RBFOX1: variants seen among roughly 807,000 people sequenced by gnomAD.
RBFOX1 encodes RNA binding protein fox-1 homolog 1.
In RBFOX1, 8 loss-of-function variants were observed where a neutral mutation model predicts 57.7. The observed-to-expected ratio is 0.14, with a 90% CI of 0.08 to 0.25. The LOEUF is 0.25. Among genes scored for constraint, RBFOX1 ranks in the 10% least tolerant of loss-of-function variants. The pLI is 1.00. For synonymous variants in RBFOX1, 326 were observed against 222.4 expected (o/e 1.47, Z -4.15); for missense variants, 611 against 548.5 (o/e 1.11, Z -1.14).
chr16:7,300,385 A>G (rs1432946881), intron 4 of RBFOX1, among the ~76,000 whole-genome samples: 2 of 152,226 alleles, frequency 1.3e-5, no homozygotes, highest in African/African-American at 4.8e-5. Context: ...CTTTTGATAC[A>G]GATAAATAAT....
At chr16:6,040,581 T>G (rs972562872) in intron 1 of RBFOX1, among the ~76,000 whole-genome samples, 7 of 151,578 alleles carry the variant, frequency 4.6e-5, no homozygotes, top group African/African-American at 1.7e-4. Context: ...TCTCTCTCTC[T>G]CTCTTTCTTT....
chr16:7,001,388 G>GTATGTGTATGTA (rs2092778165), intron 3 of RBFOX1, among the ~76,000 whole-genome samples: 1 of 131,140 alleles, frequency 7.6e-6, no homozygotes, highest in African/African-American at 3.9e-5. Flanking sequence ...ATGTGTATGT[G>GTATGTGTATGTA]TATGTGTATT....
intron 4 of RBFOX1, among the ~76,000 whole-genome samples, chr16:7,058,530 C>A (rs1343593328): frequency 6.6e-6 from 1 of 152,172 alleles, no homozygotes; most frequent in Non-Finnish European, 1.5e-5. Flanking sequence ...TCAAATTCCT[C>A]ACCTGTATAG....
intron 1 of RBFOX1, among the ~76,000 whole-genome samples, chr16:5,464,268 C>T (rs146877684): frequency 6.6e-6 from 1 of 152,212 alleles, no homozygotes; most frequent in Admixed American, 6.5e-5. Context: ...TAGAACTGCA[C>T]AGTCAGGGGT....
chr16:7,026,621 A>G (rs1478316938), intron 3 of RBFOX1, among the ~76,000 whole-genome samples: 1 of 152,074 alleles, frequency 6.6e-6, no homozygotes, highest in African/African-American at 2.4e-5. Context: ...GGAAGGAGGA[A>G]AGGCCTTGGG....
intron 3 of RBFOX1, among the ~76,000 whole-genome samples, chr16:6,655,265 T>C (rs1349132622): frequency 6.7e-6 from 1 of 149,078 alleles, no homozygotes; most frequent in African/African-American, 2.5e-5. Context: ...TCCCAGCTAC[T>C]TGGGAGGCTG....
intron 2 of RBFOX1, among the ~76,000 whole-genome samples, chr16:5,571,895 A>G (rs1035241784): frequency 6.6e-6 from 1 of 152,218 alleles, no homozygotes; most frequent in Non-Finnish European, 1.5e-5. Context: ...CCGTAGCACC[A>G]AAGTGCTGGG....
intron 3 of RBFOX1, among the ~76,000 whole-genome samples, chr16:6,818,191 T>C (rs1180523736): frequency 6.6e-6 from 1 of 152,188 alleles, no homozygotes; most frequent in Admixed American, 6.5e-5. Flanking sequence ...GGGATCCTGC[T>C]GTTGGTCCTG....
chr16:7,208,192 G>C (rs775908734), intron 4 of RBFOX1, among the ~76,000 whole-genome samples: 6 of 152,116 alleles, frequency 3.9e-5, no homozygotes, highest in Non-Finnish European at 8.8e-5. Context: ...TGAAACTGTA[G>C]CCAATTATGT....
At chr16:7,047,150 G>T (rs150966682) in intron 3 of RBFOX1, among the ~76,000 whole-genome samples, 441 of 149,858 alleles carry the variant, frequency 2.9e-3, no homozygotes, top group Middle Eastern at 6.9e-3. Flanking sequence ...TCCATTTCCA[G>T]CTCTTCCTTT....
rs1366357657 is a variant in RBFOX1, at chr16:7,008,620, C to T, written c.-15-43437C>T. On this transcript the variant is annotated intron_variant, in intron 3 of 15. Coordinates refer to ENST00000550418, the MANE Select transcript of RBFOX1 (RefSeq NM_018723.4). ...GATAGCTATAAAAATGAAATTCCCT[C>T]CCTCCCTCCCTTCCTCCCTCCCTTC... Among the ~76,000 whole-genome samples, 7 of 114,198 alleles carry T rather than the reference C, an allele frequency of 6.1e-5. 1 individual carries two copies. Among genetic ancestry groups the T allele is most frequent in the Non-Finnish European group, 1.3e-4 (7 of 54,628 alleles). 74.9% of individuals were successfully genotyped at this position (114,198 alleles called of 152,430 possible). A position where few individuals can be genotyped will look rare whatever the true frequency, so the allele number is the denominator to read the frequency against.
Position 5,946,558 on chromosome 16 carries a change from T to G in RBFOX1, c.351+79223T>G, listed in dbSNP as rs2152271513. On this transcript the variant is annotated intron_variant, in intron 4 of 19. Transcript: ENST00000641259. The surrounding 1 kb of genome is among the most constrained non-coding windows in gnomAD (Gnocchi z 4.6). ...CCGTATCTCACTCTATGCATATTTT[T>G]TTCCAACTGGGTGTTCCTGAGTTAT... Among the ~76,000 whole-genome samples, 1 of 152,036 alleles carries G rather than the reference T, an allele frequency of 6.6e-6. No homozygotes were observed. Among genetic ancestry groups the G allele is most frequent in the East Asian group, 1.9e-4 (1 of 5,162 alleles).
chr16:5,482,702 C>T (rs2069587712), intron 2 of RBFOX1, among the ~76,000 whole-genome samples: 1 of 152,168 alleles, frequency 6.6e-6, no homozygotes, highest in African/African-American at 2.4e-5. Context: ...TGTGTGTGAT[C>T]TGTACCTACC....
intron 4 of RBFOX1, among the ~76,000 whole-genome samples, chr16:7,464,118 C>G (rs1466843042): frequency 6.6e-6 from 1 of 152,290 alleles, no homozygotes; most frequent in East Asian, 1.9e-4. Flanking sequence ...TTGCCACTCC[C>G]TTCTGGTGCT....
At chr16:7,532,226 T>G (rs2080275768) in intron 5 of RBFOX1, among the ~76,000 whole-genome samples, 1 of 151,534 alleles carries the variant, frequency 6.6e-6, no homozygotes, top group South Asian at 2.1e-4. Flanking sequence ...CTAATTGGCT[T>G]GCAAGTGGGA....
At chr16:5,866,823 C>G (rs574165585) in intron 3 of RBFOX1, among the ~76,000 whole-genome samples, 2 of 152,276 alleles carry the variant, frequency 1.3e-5, no homozygotes, top group South Asian at 2.1e-4. Flanking sequence ...TGGCACAACT[C>G]TATTTCACAA....
At chr16:7,065,897 G>T (rs962544005) in intron 4 of RBFOX1, among the ~76,000 whole-genome samples, 2 of 151,970 alleles carry the variant, frequency 1.3e-5, no homozygotes, top group Admixed American at 6.6e-5. Flanking sequence ...GAGTTCATGG[G>T]GTACATGTCT....
intron 11 of RBFOX1, among the ~76,000 whole-genome samples, chr16:7,648,949 A>G (rs1394008731): frequency 6.6e-6 from 1 of 152,196 alleles, no homozygotes; most frequent in African/African-American, 2.4e-5. Context: ...AAAACGTACA[A>G]GGGTAGAAGT....
At chr16:7,374,340 C>G (rs1464568736) in intron 4 of RBFOX1, among the ~76,000 whole-genome samples, 1 of 152,172 alleles carries the variant, frequency 6.6e-6, no homozygotes, top group Non-Finnish European at 1.5e-5. Context: ...CAGATAAACA[C>G]TAAATAAATA....
Sources: gnomAD v4.1 joint callset for allele counts (sites outside exome capture counted in the v4.1 genomes callset) on GRCh38, gnomAD v4.1.1 for gene constraint, Gnocchi (gnomAD v3.1) non-coding constraint, MANE v1.5 for transcripts, NCBI Gene and HGNC (gene_info 2026-07-23, HGNC 2026-07-21) for gene names.